The following GPC5 variants were observed in gnomAD, a reference collection of about 807,000 sequenced individuals.
GPC5 encodes the protein glypican-5.
A neutral mutation model predicts 53.9 loss-of-function variants in GPC5; 47 were observed. The observed-to-expected ratio is 0.87, with a 90% CI of 0.69 to 1.11. The LOEUF (loss-of-function observed/expected upper bound fraction) is 1.11, where lower values mean the gene tolerates loss of function less well. Ranked by LOEUF, GPC5 falls within the 50% of genes most tolerant of loss-of-function variation. The pLI is 0.00. For missense variants in GPC5, 748 were observed against 713.1 expected, an observed-to-expected ratio of 1.05 and a Z score of -0.56; for synonymous variants, 286 against 263.3, an observed-to-expected ratio of 1.09 and a Z score of -0.84.
At chr13:92,206,551 A>C (rs874796) in intron 7 of GPC5, among the ~76,000 whole-genome samples, 11 of 151,804 alleles carry the variant, frequency 7.2e-5, no homozygotes, top group African/African-American at 2.7e-4. Flanking sequence ...AAATAAACTT[A>C]TGCAGAACTA....
chr13:91,750,912 T>C (rs142927345), intron 4 of GPC5, among the ~76,000 whole-genome samples: 110 of 152,218 alleles, frequency 7.2e-4, no homozygotes, highest in African/African-American at 2.4e-3. Context: ...TTCGCCCACA[T>C]TGGCCTCCCA....
At chr13:92,436,042 TACTG>T (rs1868622349) in intron 7 of GPC5, among the ~76,000 whole-genome samples, 1 of 152,196 alleles carries the variant, frequency 6.6e-6, no homozygotes, top group African/African-American at 2.4e-5. Context: ...ATTAACATCT[TACTG>T]ACTATTCTGT....
intron 1 of GPC5, among the ~76,000 whole-genome samples, chr13:91,415,885 TTAG>T (rs1878183815): frequency 2.0e-5 from 3 of 152,136 alleles, no homozygotes; most frequent in Non-Finnish European, 4.4e-5. Flanking sequence ...CCCACAAAAC[TTAG>T]TGCATCTTTT....
intron 6 of GPC5, among the ~76,000 whole-genome samples, chr13:91,968,548 A>G (rs535945282): frequency 6.6e-6 from 1 of 151,548 alleles, no homozygotes; most frequent in South Asian, 2.1e-4. Flanking sequence ...TGCAACCTCC[A>G]CCTCCCAGGT....
intron 7 of GPC5, among the ~76,000 whole-genome samples, chr13:92,410,218 C>G (rs1410801620): frequency 6.6e-6 from 1 of 152,142 alleles, no homozygotes; most frequent in Non-Finnish European, 1.5e-5. Flanking sequence ...CCTGAATATA[C>G]TAATTTTCAG....
intron 7 of GPC5, among the ~76,000 whole-genome samples, chr13:92,569,963 T>C (rs1251394261): frequency 6.6e-6 from 1 of 152,190 alleles, no homozygotes; most frequent in African/African-American, 2.4e-5. Context: ...AATTTCCCAT[T>C]TAATTCTTGT....
intron 5 of GPC5, among the ~76,000 whole-genome samples, chr13:91,842,058 C>CT (rs1361783523): frequency 6.6e-6 from 1 of 152,068 alleles, no homozygotes; most frequent in African/African-American, 2.4e-5. Context: ...AATTTTGACA[C>CT]TTTCTTTGGT....
intron 7 of GPC5, among the ~76,000 whole-genome samples, chr13:92,149,399 TA>T (rs1473393932): frequency 7.9e-5 from 12 of 152,192 alleles, no homozygotes; most frequent in Admixed American, 2.0e-4. Flanking sequence ...CTGACTTAAA[TA>T]TGATTAATTT....
chr13:92,308,363 G>A lies in GPC5; in HGVS notation c.1561+163374G>A, dbSNP rs114701589. The stretch of plus-strand genomic sequence containing the variant: ...GAAAGAGGAGGTAAGGCCATACTTA[G>A]AAGTGACATTTTGTTTTTGTTTTTA... On this transcript the variant is annotated intron_variant, in intron 7 of 7. Coordinates refer to ENST00000377067, the MANE Select transcript of GPC5 (RefSeq NM_004466.6). 3.7e-3 allele frequency among the ~76,000 whole-genome samples: 564 copies of A among 152,222 alleles called. 4 individuals are homozygous for A. The highest frequency in any genetic ancestry group is 0.013 in the African/African-American group (534 of 41,560).
At chr13:91,429,274 C>A (rs1306357146) in intron 1 of GPC5, among the ~76,000 whole-genome samples, 1 of 152,154 alleles carries the variant, frequency 6.6e-6, no homozygotes, top group Non-Finnish European at 1.5e-5. Context: ...AACTCATAGA[C>A]TAATACAGAT....
At chr13:92,120,834 C>T (rs1385554983) in intron 6 of GPC5, among the ~76,000 whole-genome samples, 1 of 152,132 alleles carries the variant, frequency 6.6e-6, no homozygotes, top group Non-Finnish European at 1.5e-5. Context: ...GCAGCTCTGC[C>T]TCCAGATTAT....
At chr13:91,580,417 A>G (rs1253284558) in intron 2 of GPC5, among the ~76,000 whole-genome samples, 1 of 152,220 alleles carries the variant, frequency 6.6e-6, no homozygotes, top group Non-Finnish European at 1.5e-5. Flanking sequence ...ATAAAATATC[A>G]TATGAGTAAT....
intron 2 of GPC5, among the ~76,000 whole-genome samples, chr13:91,582,388 A>G (rs973432287): frequency 3.9e-5 from 6 of 152,194 alleles, no homozygotes; most frequent in Non-Finnish European, 8.8e-5. Flanking sequence ...AATTTTCCAT[A>G]TAAAACAGCT....
Position 92,633,520 on chromosome 13 carries a change from G to C in GPC5, c.1562-232762G>C, listed in dbSNP as rs1188696619. Among the ~76,000 whole-genome samples the C allele has an allele frequency of 2.6e-5, 4 of 152,032 alleles. No individual in the cohort carries two copies. The East Asian group carries it at 7.7e-4, about 29-fold the overall frequency. ...GCTCACTTGGGTATTAAAGGTATAA[G>C]TGTTAAGTATAAATGTTTTATTTTC... is the stretch of plus-strand genomic sequence containing the variant. On this transcript the variant is annotated intron_variant, in intron 7 of 7. Coordinates refer to ENST00000377067, the MANE Select transcript of GPC5 (RefSeq NM_004466.6).
chr13:92,800,777 C>A (rs1876872695), intron 7 of GPC5, among the ~76,000 whole-genome samples: 1 of 151,720 alleles, frequency 6.6e-6, no homozygotes, highest in Admixed American at 6.6e-5. Flanking sequence ...AAGGGATTAA[C>A]TTTTGATATT....
At chr13:91,742,240 CAT>C (rs1183180175) in intron 4 of GPC5, among the ~76,000 whole-genome samples, 1 of 152,098 alleles carries the variant, frequency 6.6e-6, no homozygotes, top group African/African-American at 2.4e-5. Context: ...GCAGAGCAAA[CAT>C]ATGGCAAAAG....
chr13:92,462,565 C>G (rs574129152), intron 7 of GPC5, among the ~76,000 whole-genome samples: 2 of 152,210 alleles, frequency 1.3e-5, no homozygotes, highest in South Asian at 2.1e-4. Flanking sequence ...AATTCACGTA[C>G]AGATACATAG....
At chr13:91,667,180 T>C (rs2035134735) in intron 2 of GPC5, among the ~76,000 whole-genome samples, 1 of 152,212 alleles carries the variant, frequency 6.6e-6, no homozygotes, top group African/African-American at 2.4e-5. Flanking sequence ...ATTAAATTTC[T>C]TTTTGTTTAA....
rs576039876 is a variant in GPC5 at position 92,596,999 on chromosome 13, GTTGT to G, written c.1562-269277_1562-269274del. On this transcript the variant is annotated intron_variant, in intron 7 of 7. Coordinates refer to ENST00000377067, the MANE Select transcript of GPC5 (RefSeq NM_004466.6). ...ATGATACGGAGAGACAAGTTCTTCC[GTTGT>G]TTGTTATTAATTTCCCCCTCTTCAC... Among the ~76,000 whole-genome samples the G allele has an allele frequency of 2.9e-3, 443 of 152,212 alleles. 3 individuals carry two copies. The highest frequency in any genetic ancestry group is 0.01 in the African/African-American group (423 of 41,530).
Sources: gnomAD v4.1 joint callset for allele counts (sites outside exome capture counted in the v4.1 genomes callset) on GRCh38, gnomAD v4.1.1 for gene constraint, MANE v1.5 for transcripts, NCBI Gene and HGNC (gene_info 2026-07-23, HGNC 2026-07-21) for gene names.